Variants in PAPPA2 observed in about 807,000 individuals in gnomAD.
PAPPA2 encodes pappalysin-2.
A neutral mutation model predicts 176.4 loss-of-function variants in PAPPA2; 86 were observed. The observed-to-expected ratio is 0.49, with a 90% CI of 0.41 to 0.58. The LOEUF (loss-of-function observed/expected upper bound fraction) is 0.58, where lower values mean the gene tolerates loss of function less well. Ranked by LOEUF, PAPPA2 falls within the 20% of genes least tolerant of loss-of-function variation. The pLI, the probability that PAPPA2 is intolerant of heterozygous loss-of-function variation, is 0.00. For synonymous variants in PAPPA2, 809 were observed against 852.2 expected (o/e 0.95, Z 0.88); for missense variants, 2,073 against 2,256.9 (o/e 0.92, Z 1.65).
rs1655270266 is a variant in PAPPA2, at chr1:176,616,548, A to G, written c.1991+20953A>G. 4.3e-6 allele frequency: 6 copies of G among 1,380,298 alleles called. No homozygotes were observed. The South Asian group carries it at 5.9e-5, about 14-fold the overall frequency. The allele number at this position is 1,380,298 out of a possible 1,614,324, so 85.5% of individuals were successfully genotyped here. A position where few individuals can be genotyped will look rare whatever the true frequency, so the allele number is the denominator to read the frequency against. On this transcript the variant is annotated intron_variant, in intron 3 of 22. Transcript: ENST00000367662. ...TTTTACAAAATGTAACCAATCAGCA[A>G]CAATCTGGTTGGATGGTGGTGCACC...
intron 3 of PAPPA2, among the ~76,000 whole-genome samples, chr1:176,620,673 T>A (rs1307245543): frequency 6.6e-6 from 1 of 152,186 alleles, no homozygotes; most frequent in Non-Finnish European, 1.5e-5. Context: ...GCCTTAGAGC[T>A]TTAGTTTCCC....
intron 3 of PAPPA2, among the ~76,000 whole-genome samples, chr1:176,660,701 C>T (rs1658315442): frequency 6.6e-6 from 1 of 152,048 alleles, no homozygotes; most frequent in Admixed American, 6.6e-5. Flanking sequence ...CTCTCCAAAA[C>T]AGTGTCTTCC....
chr1:176,530,152 T>A (rs1053084539), intron 1 of PAPPA2, among the ~76,000 whole-genome samples: 1 of 152,210 alleles, frequency 6.6e-6, no homozygotes, highest in Non-Finnish European at 1.5e-5. Context: ...AGGCCCAGGG[T>A]CCTGGCTGCT....
At chr1:176,570,613 TGGGCAA>T (rs1459205138) in intron 2 of PAPPA2, among the ~76,000 whole-genome samples, 1 of 151,616 alleles carries the variant, frequency 6.6e-6, no homozygotes, top group African/African-American at 2.4e-5. Context: ...AAAGGGAACT[TGGGCAA>T]TGCTCCCTCC....
chr1:176,571,194 C>T (rs192817009), intron 2 of PAPPA2, among the ~76,000 whole-genome samples: 151 of 152,298 alleles, frequency 9.9e-4, no homozygotes, highest in African/African-American at 3.4e-3. Flanking sequence ...TCTCTTCTCT[C>T]CACATGACCC....
chr1:176,655,170 C>A (rs1306043587), intron 3 of PAPPA2, among the ~76,000 whole-genome samples: 1 of 151,860 alleles, frequency 6.6e-6, no homozygotes, highest in Admixed American at 6.6e-5. Flanking sequence ...GGAATGCTTT[C>A]AACTTTTCTG....
intron 3 of PAPPA2, among the ~76,000 whole-genome samples, chr1:176,605,733 G>A (rs1348596687): frequency 6.6e-6 from 1 of 152,132 alleles, no homozygotes; most frequent in Non-Finnish European, 1.5e-5. Flanking sequence ...GCCAACCTTG[G>A]GTTTAAGAAA....
intron 9 of PAPPA2, among the ~76,000 whole-genome samples, chr1:176,703,222 C>A (rs1660740771): frequency 1.3e-5 from 2 of 152,164 alleles, no homozygotes. Context: ...TCTCATGCAA[C>A]CCTTAGTAGA....
In PAPPA2 at chr1:176,702,592, C is replaced by T. The variant is rs779424704; in HGVS notation, c.3237-15C>T. 1.2e-6 allele frequency: 2 copies of T among 1,613,558 alleles called. No homozygotes were observed. The highest frequency in any genetic ancestry group is 2.2e-5 in the East Asian group (1 of 44,838). The stretch of plus-strand genomic sequence containing the variant: ...TTTGTGGCTGTAGTGGTCACAAACC[C>T]TTTGGTTTCCACAGGGAGGTCACAC... On this transcript the variant is annotated splice_polypyrimidine_tract_variant and intron_variant, in intron 8 of 22. Coordinates refer to ENST00000367662, the MANE Select transcript of PAPPA2 (RefSeq NM_020318.3).
intron 2 of PAPPA2, among the ~76,000 whole-genome samples, chr1:176,589,453 T>G (rs953865455): frequency 5.3e-5 from 8 of 152,332 alleles, no homozygotes; most frequent in South Asian, 4.1e-4. Flanking sequence ...AAACTCAGAT[T>G]AAGTACAAGG....
intron 1 of PAPPA2, among the ~76,000 whole-genome samples, chr1:176,524,667 G>A (rs932699540): frequency 2.0e-5 from 3 of 152,120 alleles, no homozygotes; most frequent in Non-Finnish European, 2.9e-5. Context: ...AGGTAAATAA[G>A]GTGTGATTAA....
intron 8 of PAPPA2, among the ~76,000 whole-genome samples, chr1:176,700,185 T>C (rs1660588171): frequency 6.6e-6 from 1 of 152,228 alleles, no homozygotes; most frequent in Non-Finnish European, 1.5e-5. Flanking sequence ...TAGTGAGTTC[T>C]ACTATGTTCC....
At chr1:176,638,392 G>A (rs116672562) in intron 3 of PAPPA2, among the ~76,000 whole-genome samples, 66 of 152,136 alleles carry the variant, frequency 4.3e-4, no homozygotes, top group African/African-American at 1.4e-3. Context: ...AGGAGGAGGT[G>A]GTGGGTAGAT....
At chr1:176,465,456 G>T (rs941352139) in intron 1 of PAPPA2, among the ~76,000 whole-genome samples, 5 of 152,102 alleles carry the variant, frequency 3.3e-5, no homozygotes, top group South Asian at 2.1e-4. Flanking sequence ...ACGTTTATTT[G>T]ATTACTTGTT....
At chr1:176,628,481 T>C (rs1198785868) in intron 3 of PAPPA2, among the ~76,000 whole-genome samples, 1 of 152,194 alleles carries the variant, frequency 6.6e-6, no homozygotes, top group Non-Finnish European at 1.5e-5. Flanking sequence ...TCTAAAGGAC[T>C]TTATAATCCA....
intron 17 of PAPPA2, among the ~76,000 whole-genome samples, chr1:176,778,814 T>A (rs1664576249): frequency 6.6e-6 from 1 of 152,218 alleles, no homozygotes; most frequent in African/African-American, 2.4e-5. Context: ...CCTGGCTTTA[T>A]AATTAGTGTT....
At chr1:176,619,723 A>G (rs1490659885) in intron 3 of PAPPA2, among the ~76,000 whole-genome samples, 1 of 152,188 alleles carries the variant, frequency 6.6e-6, no homozygotes, top group Non-Finnish European at 1.5e-5. Flanking sequence ...TCTTTCTGTA[A>G]TCTGCCATTT....
intron 14 of PAPPA2, among the ~76,000 whole-genome samples, chr1:176,758,219 C>T (rs1186013393): frequency 1.3e-5 from 2 of 152,136 alleles, no homozygotes; most frequent in Non-Finnish European, 2.9e-5. Flanking sequence ...TTTATTTTCC[C>T]AGTTAGTAGG....
At chr1:176,546,168 C>A (rs903042331) in intron 1 of PAPPA2, among the ~76,000 whole-genome samples, 5 of 152,184 alleles carry the variant, frequency 3.3e-5, no homozygotes, top group African/African-American at 1.2e-4. Context: ...TTGTCTAGGG[C>A]TGCTTCCTGG....
Sources: gnomAD v4.1 joint callset for allele counts (sites outside exome capture counted in the v4.1 genomes callset) on GRCh38, gnomAD v4.1.1 for gene constraint, MANE v1.5 for transcripts, NCBI Gene and HGNC (gene_info 2026-07-23, HGNC 2026-07-21) for gene names.